Variants in CCL17 observed in about 807,000 individuals in gnomAD.
CCL17 encodes the protein C-C motif chemokine 17.
In CCL17, 8 loss-of-function variants were observed where a neutral mutation model predicts 7.4. The ratio of observed to expected loss-of-function variants is 1.09; its 90% CI spans 0.64 to 1.96. The LOEUF (loss-of-function observed/expected upper bound fraction) is 1.96, where lower values mean the gene tolerates loss of function less well. Ranked by LOEUF, CCL17 falls within the 30% of genes most tolerant of loss-of-function variation. The pLI is 0.00. For missense variants in CCL17, 102 were observed against 113.0 expected, an observed-to-expected ratio of 0.90 and a Z score of 0.44; for synonymous variants, 40 against 46.1, an observed-to-expected ratio of 0.87 and a Z score of 0.54.
chr16:57,401,191 A>T (rs752129148), upstream of CCL17, among the ~76,000 whole-genome samples: 1 of 152,156 alleles, frequency 6.6e-6, no homozygotes, highest in Admixed American at 6.5e-5. Flanking sequence ...ATGTGGAAGT[A>T]TAGATACAAG....
At chr16:57,401,589 C>A (rs1259514069), upstream of CCL17, among the ~76,000 whole-genome samples, 1 of 151,618 alleles carries the variant, frequency 6.6e-6, no homozygotes, top group African/African-American at 2.4e-5. Context: ...TAAGGACATA[C>A]ACACATATGA....
chr16:57,415,252 G>A lies in CCL17; in HGVS notation c.188+54G>A, dbSNP rs1472150876. The stretch of plus-strand genomic sequence containing the variant: ...CTCAGGGCCAAGCATGGGGACAAGT[G>A]CACCCTGGAGCTCCCAGGACGGCCA... On this transcript the variant is annotated intron_variant, in intron 3 of 3. Transcript: ENST00000219244. This position sits in a 1 kb window ranked among gnomAD's most constrained non-coding sequence, Gnocchi z 4.5. 3 of 1,170,454 alleles carry A rather than the reference G, an allele frequency of 2.6e-6. No individual in the cohort carries two copies. Among genetic ancestry groups the A allele is most frequent in the Admixed American group, 1.7e-5 (1 of 59,344 alleles). 72.5% of individuals were successfully genotyped at this position (1,170,454 alleles called of 1,614,324 possible).
the CCL17 span, among the ~76,000 whole-genome samples, chr16:57,398,538 G>C: frequency 3.9e-5 from 6 of 152,252 alleles, no homozygotes; most frequent in Non-Finnish European, 8.8e-5. Flanking sequence ...TGGCCATCTC[G>C]CTGTATCTGG....
At chr16:57,403,125 A>G (rs1165961281), upstream of CCL17, among the ~76,000 whole-genome samples, 2 of 106,182 alleles carry the variant, frequency 1.9e-5, no homozygotes, top group Non-Finnish European at 3.5e-5. Flanking sequence ...TTTATAATAT[A>G]TATAATATAT....
At chr16:57,412,759 G>A (rs1265021875) in intron 1 of CCL17, among the ~76,000 whole-genome samples, 3 of 152,128 alleles carry the variant, frequency 2.0e-5, no homozygotes, top group African/African-American at 4.8e-5. Context: ...AAGGCCATGG[G>A]ACTCTCATCC....
At chr16:57,405,251 G>T (rs1188669452) in intron 1 of CCL17, among the ~76,000 whole-genome samples, 2 of 152,158 alleles carry the variant, frequency 1.3e-5, no homozygotes, top group African/African-American at 4.8e-5. Context: ...TGTCAGGAGA[G>T]ACCAGAGAGG....
At chr16:57,412,033 G>C (rs535205951) in intron 1 of CCL17, among the ~76,000 whole-genome samples, 35 of 152,324 alleles carry the variant, frequency 2.3e-4, no homozygotes, top group African/African-American at 7.7e-4. Context: ...GAGGGGGCAG[G>C]GTCAGGGTCT....
chr16:57,403,250 TATTATC>T (rs1186802344), upstream of CCL17, among the ~76,000 whole-genome samples: 1 of 184 alleles, frequency 5.4e-3, no homozygotes, highest in Non-Finnish European at 8.3e-3. Flanking sequence ...TAATATATAT[TATTATC>T]TATAATATAT....
Position 57,415,700 on chromosome 16 carries a change from C to A in CCL17, c.189-65C>A. 9.6e-7 allele frequency: 1 copy of A among 1,038,314 alleles called. No individual in the cohort carries two copies. The highest frequency in any genetic ancestry group is 1.5e-6 in the Non-Finnish European group (1 of 657,004). The allele number at this position is 1,038,314 out of a possible 1,614,324, so 64.3% of individuals were successfully genotyped here. A position where few individuals can be genotyped will look rare whatever the true frequency, so the allele number is the denominator to read the frequency against. ...GAATCCTGGTCAGCACAGGGCGGGC[C>A]GTCCCAGGGACTCTGGGGGCCCTTC... On this transcript the variant is annotated intron_variant, in intron 3 of 3. Coordinates refer to ENST00000219244, the MANE Select transcript of CCL17 (RefSeq NM_002987.3). The surrounding 1 kb of genome is among the most constrained non-coding windows in gnomAD (Gnocchi z 4.5).
Position 57,415,163 on chromosome 16 carries a change from C to G in CCL17, c.153C>G (p.Tyr51Ter). 1 of 1,613,390 alleles carries G rather than the reference C, an allele frequency of 6.2e-7. No individual in the cohort carries two copies. Among genetic ancestry groups the G allele is most frequent in the Non-Finnish European group, 8.5e-7 (1 of 1,179,358 alleles). Residue 51 changes from tyrosine to a stop codon, truncating the protein, a stop_gained, in exon 3 of 4, where the codon TAC (tyrosine) becomes TAG (stop). Coordinates refer to ENST00000219244, the MANE Select transcript of CCL17 (RefSeq NM_002987.3). LOFTEE classifies it low-confidence loss of function (END_TRUNC). The surrounding 1 kb of genome is among the most constrained non-coding windows in gnomAD (Gnocchi z 4.5). ...AIPLRKLKTWYQTSEDCSRDA... is the reference protein window; with the variant it reads ...AIPLRKLKTW Reference sequence around the variant, plus strand: ...CCCTTAGAAAGCTGAAGACGTGGTACCAGACATCTGAGGACTGCTCCAGGG... The same window carrying G: ...CCCTTAGAAAGCTGAAGACGTGGTAGCAGACATCTGAGGACTGCTCCAGGG...
chr16:57,408,291 C>A (rs1178268971), intron 1 of CCL17, among the ~76,000 whole-genome samples: 2 of 151,980 alleles, frequency 1.3e-5, no homozygotes. Flanking sequence ...ATCACTCACC[C>A]ACACGTCCAT....
Position 57,415,898 on chromosome 16 carries a change from A to T in CCL17, c.*37A>T. ...CCCAGACTCCTGACTGTCTCCCGGG[A>T]CTACCTGGGACCTCCACCGTTGGTG... On this transcript the variant is annotated 3_prime_UTR_variant, in exon 4 of 4. Transcript: ENST00000219244. The surrounding 1 kb of genome is among the most constrained non-coding windows in gnomAD (Gnocchi z 4.5). 1 of 1,329,602 alleles carries T rather than the reference A, an allele frequency of 7.5e-7. No homozygotes were observed. The highest frequency in any genetic ancestry group is 1.2e-5 in the South Asian group (1 of 85,230). 82.4% of individuals were successfully genotyped at this position (1,329,602 alleles called of 1,614,324 possible).
chr16:57,411,622 C>A (rs746125514), intron 1 of CCL17, among the ~76,000 whole-genome samples: 2 of 152,222 alleles, frequency 1.3e-5, no homozygotes, highest in Non-Finnish European at 2.9e-5. Flanking sequence ...GTGGCCTCTG[C>A]GGCAAGTGGA....
At position 57,416,052 on chromosome 16, in the gene CCL17, T is replaced by C; in HGVS notation, c.*191T>C. ...TGGGCACAAAGGGCCCAGATTAAAG[T>C]CTTTATCCTCAGTCTGTGTCAGCGT... On this transcript the variant is annotated 3_prime_UTR_variant, in exon 4 of 4. Transcript: ENST00000219244. 1.8e-6 allele frequency: 1 copy of C among 567,072 alleles called. No individual in the cohort carries two copies. The highest frequency in any genetic ancestry group is 3.2e-6 in the Non-Finnish European group (1 of 315,004). 35.1% of individuals were successfully genotyped at this position (567,072 alleles called of 1,614,324 possible).
upstream of CCL17, among the ~76,000 whole-genome samples, chr16:57,401,905 C>T (rs1422008850): frequency 6.6e-6 from 1 of 152,184 alleles, no homozygotes; most frequent in African/African-American, 2.4e-5. Flanking sequence ...TCTGTCTTCA[C>T]TCCCCAACTT....
chr16:57,404,157 A>G (rs748549818), upstream of CCL17, among the ~76,000 whole-genome samples: 2 of 152,108 alleles, frequency 1.3e-5, no homozygotes, highest in African/African-American at 2.4e-5. Context: ...AGAGCAGGGC[A>G]CAGAACTCGC....
chr16:57,412,393 C>A (rs1214794918), intron 1 of CCL17, among the ~76,000 whole-genome samples: 2 of 152,168 alleles, frequency 1.3e-5, no homozygotes, highest in Admixed American at 6.5e-5. Context: ...AGGATCCCTG[C>A]CCTTCTACCT....
At chr16:57,410,032 G>T (rs113916091) in intron 1 of CCL17, among the ~76,000 whole-genome samples, 17 of 152,310 alleles carry the variant, frequency 1.1e-4, no homozygotes, top group African/African-American at 4.1e-4. Context: ...TGGTGTGACC[G>T]GGATGACACT....
chr16:57,402,455 C>A (rs1218075522), upstream of CCL17, among the ~76,000 whole-genome samples: 1 of 152,164 alleles, frequency 6.6e-6, no homozygotes. Context: ...TCGAGTTTGG[C>A]AGGACAATCC....
Sources: gnomAD v4.1 joint callset for allele counts (sites outside exome capture counted in the v4.1 genomes callset) on GRCh38, gnomAD v4.1.1 for gene constraint, Gnocchi (gnomAD v3.1) non-coding constraint, MANE v1.5 for transcripts, NCBI Gene and HGNC (gene_info 2026-07-23, HGNC 2026-07-21) for gene names.